Variants in INTS8 observed in about 807,000 individuals in gnomAD.
The protein encoded by INTS8 is integrator complex subunit 8.
Under a neutral mutation model 138.9 loss-of-function variants are expected in INTS8, and 47 were observed. The observed-to-expected ratio is 0.34, with a 90% confidence interval of 0.27 to 0.43. The LOEUF (loss-of-function observed/expected upper bound fraction) is 0.43, where lower values mean the gene tolerates loss of function less well. INTS8 is among the 20% of genes least tolerant of loss of function. The pLI is 1.00. For synonymous variants in INTS8, 392 were observed against 400.9 expected, an observed-to-expected ratio of 0.98 and a Z score of 0.27; for missense variants, 996 against 1,173.0, an observed-to-expected ratio of 0.85 and a Z score of 2.20.
intron 8 of INTS8, among the ~76,000 whole-genome samples, chr8:94,840,396 C>T (rs1182153245): frequency 6.6e-6 from 1 of 152,042 alleles, no homozygotes; most frequent in Non-Finnish European, 1.5e-5. Context: ...TCGTTAACAC[C>T]CTTTCTTTCT....
At chr8:94,829,066 C>G (rs773130303) in intron 5 of INTS8, 40 bp downstream of exon 5, 17 of 1,455,108 alleles carry the variant, frequency 1.2e-5, no homozygotes, top group Non-Finnish European at 1.5e-5. Context: ...ACTTCAGGAA[C>G]AACTTTAGAG....
chr8:94,857,289 T>A (rs1411749920), intron 15 of INTS8, among the ~76,000 whole-genome samples: 2 of 151,934 alleles, frequency 1.3e-5, no homozygotes, highest in Non-Finnish European at 2.9e-5. Context: ...CCAGGCTGGT[T>A]TTGAACTCCT....
intron 1 of INTS8, 44 bp from the exon 2 acceptor site, chr8:94,824,849 A>C: frequency 8.5e-7 from 1 of 1,170,736 alleles, no homozygotes. Flanking sequence ...GTATCTACAT[A>C]ATTAAAACTT....
At position 94,872,076 on chromosome 8, in the gene INTS8, A is replaced by G. The variant is rs539870607; in HGVS notation, c.2533+74A>G. 3.7e-5 allele frequency: 26 copies of G among 694,520 alleles called. 1 individual carries two copies. The highest frequency in any genetic ancestry group is 3.5e-4 in the South Asian group (19 of 54,250). The allele number at this position is 694,520 out of a possible 1,614,324, so 43.0% of individuals were successfully genotyped here. A position where few individuals can be genotyped will look rare whatever the true frequency, so the allele number is the denominator to read the frequency against. ...TGAAGTGAAAGTAAATATATAACCT[A>G]TTTTATTTCAATACTTAAGTTTTGT... is the stretch of plus-strand genomic sequence containing the variant. On this transcript the variant is annotated intron_variant, in intron 21 of 26. Coordinates refer to ENST00000523731, the MANE Select transcript of INTS8 (RefSeq NM_017864.4).
At chr8:94,840,409 C>T (rs1275562684) in intron 8 of INTS8, among the ~76,000 whole-genome samples, 1 of 152,100 alleles carries the variant, frequency 6.6e-6, no homozygotes, top group Non-Finnish European at 1.5e-5. Context: ...TTCTTTCTTT[C>T]CTGCTCTTCC....
At chr8:94,840,451 A>G (rs944839094) in intron 8 of INTS8, among the ~76,000 whole-genome samples, 1 of 152,074 alleles carries the variant, frequency 6.6e-6, no homozygotes, top group Non-Finnish European at 1.5e-5. Flanking sequence ...AAAAGTCTGT[A>G]TGTAATAATC....
intron 6 of INTS8, among the ~76,000 whole-genome samples, chr8:94,836,318 C>T (rs765895304): frequency 3.3e-5 from 5 of 152,184 alleles, no homozygotes; most frequent in Non-Finnish European, 7.3e-5. Context: ...AAAATCTACT[C>T]AGTAAATCAA....
At chr8:94,829,817 TTA>T (rs1814645963) in intron 5 of INTS8, among the ~76,000 whole-genome samples, 1 of 152,258 alleles carries the variant, frequency 6.6e-6, no homozygotes, top group Non-Finnish European at 1.5e-5. Flanking sequence ...GGTGACGTCT[TTA>T]TATTTTGTAT....
intron 15 of INTS8, among the ~76,000 whole-genome samples, chr8:94,859,004 G>A (rs1328324558): frequency 6.6e-6 from 1 of 152,150 alleles, no homozygotes; most frequent in Non-Finnish European, 1.5e-5. Flanking sequence ...GCTGGCTCAC[G>A]CCTATAATCC....
chr8:94,830,303 C>T (rs911376059), intron 5 of INTS8, among the ~76,000 whole-genome samples: 2 of 152,114 alleles, frequency 1.3e-5, no homozygotes, highest in African/African-American at 4.8e-5. Context: ...TCCATATTAC[C>T]ATGTGAGGTG....
rs1044148931 is a variant in INTS8 at position 94,864,109 on chromosome 8, A to C, written c.2077-1397A>C. On this transcript the variant is annotated intron_variant, in intron 16 of 26. Coordinates refer to ENST00000523731, the MANE Select transcript of INTS8 (RefSeq NM_017864.4). The stretch of plus-strand genomic sequence containing the variant: ...TTAATATGGTTTAACAAAAAAATTT[A>C]TGTAGATATATAAAGCAAACATGGC... Among the ~76,000 whole-genome samples, 10 of 152,346 alleles carry C rather than the reference A, an allele frequency of 6.6e-5. 1 individual carries two copies. Among genetic ancestry groups the C allele is most frequent in the African/African-American group, 2.4e-4 (10 of 41,582 alleles).
At chr8:94,857,299 T>C (rs1815787641) in intron 15 of INTS8, among the ~76,000 whole-genome samples, 1 of 152,070 alleles carries the variant, frequency 6.6e-6, no homozygotes, top group Admixed American at 6.6e-5. Context: ...TTTGAACTCC[T>C]GACCTCAGGT....
intron 5 of INTS8, among the ~76,000 whole-genome samples, chr8:94,831,375 C>T (rs942760477): frequency 3.3e-5 from 5 of 152,162 alleles, no homozygotes; most frequent in African/African-American, 1.2e-4. Context: ...CGCTTGGCCT[C>T]CCAAAGTGTT....
chr8:94,827,343 A>G lies in INTS8; in HGVS notation c.386A>G (p.Asp129Gly). The change falls in exon 3 of 27, where the codon GAC (aspartate) becomes GGC (glycine). Residue 129 changes from aspartate to glycine, a missense_variant. Physicochemically the swap from Asp to Gly is moderately conservative, Grantham distance 94 (BLOSUM62 -1). Transcript: ENST00000523731. ...SKVPPGTKHV[D>G]MDLATLPPTT... ...GTTCCTCCTGGGACAAAGCATGTAGACATGGATCTGGCCACTTTACCTCCG... is the reference window on the plus strand; with the variant it reads ...GTTCCTCCTGGGACAAAGCATGTAGGCATGGATCTGGCCACTTTACCTCCG... 6.2e-7 allele frequency: 1 copy of G among 1,613,966 alleles called. No individual in the cohort carries two copies. The highest frequency in any genetic ancestry group is 8.5e-7 in the Non-Finnish European group (1 of 1,179,788).
At chr8:94,857,740 G>C (rs889828985) in intron 15 of INTS8, among the ~76,000 whole-genome samples, 2 of 152,124 alleles carry the variant, frequency 1.3e-5, no homozygotes, top group Non-Finnish European at 2.9e-5. Context: ...CTTCTTACAA[G>C]GACACCAGTC....
At chr8:94,829,429 T>C (rs1814631013) in intron 5 of INTS8, among the ~76,000 whole-genome samples, 1 of 152,066 alleles carries the variant, frequency 6.6e-6, no homozygotes, top group African/African-American at 2.4e-5. Context: ...TTTGCGCTCC[T>C]GTGTGAATCT....
intron 4 of INTS8, among the ~76,000 whole-genome samples, chr8:94,828,372 G>A (rs1814589903): frequency 6.6e-6 from 1 of 152,092 alleles, no homozygotes; most frequent in South Asian, 2.1e-4. Flanking sequence ...AAATTGTCTT[G>A]AAAAAGATTT....
intron 10 of INTS8, among the ~76,000 whole-genome samples, chr8:94,847,500 A>T (rs1465937124): frequency 2.0e-5 from 3 of 152,204 alleles, no homozygotes; most frequent in Non-Finnish European, 4.4e-5. Flanking sequence ...AGAATTTACC[A>T]GTAAAGTCTG....
chr8:94,845,989 G>A (rs1029909882), intron 10 of INTS8, among the ~76,000 whole-genome samples: 2 of 152,128 alleles, frequency 1.3e-5, no homozygotes, highest in East Asian at 3.9e-4. Flanking sequence ...ATCCATGAAC[G>A]GGTATGATGG....
Sources: gnomAD v4.1 joint callset for allele counts (sites outside exome capture counted in the v4.1 genomes callset) on GRCh38, gnomAD v4.1.1 for gene constraint, MANE v1.5 for transcripts, NCBI Gene and HGNC (gene_info 2026-07-23, HGNC 2026-07-21) for gene names.